The following EDNRB variants were observed in gnomAD, a reference collection of about 807,000 sequenced individuals.
EDNRB encodes Hirschsprung disease 2.
EDNRB carries 18 observed loss-of-function variants against 46.4 expected under a neutral mutation model. That is an observed-to-expected ratio of 0.39 (90% CI 0.27 to 0.57). EDNRB has a LOEUF of 0.57. EDNRB is among the 20% of genes least tolerant of loss of function. The probability of loss-of-function intolerance (pLI) is 0.61; values close to 1 mark genes in which losing one functional copy is unlikely to be tolerated. For missense variants in EDNRB, 434 were observed against 537.5 expected, an observed-to-expected ratio of 0.81 and a Z score of 1.90; for synonymous variants, 213 against 204.9, an observed-to-expected ratio of 1.04 and a Z score of -0.34.
chr13:77,970,529 G>C (rs1471109702), intron 1 of EDNRB, among the ~76,000 whole-genome samples: 1 of 152,132 alleles, frequency 6.6e-6, no homozygotes, highest in Non-Finnish European at 1.5e-5. Context: ...GCCGTCTTGT[G>C]CATAAGTAGC....
intron 1 of EDNRB, among the ~76,000 whole-genome samples, chr13:77,953,685 G>T (rs12720132): frequency 0.02 from 3,081 of 152,240 alleles, 38 homozygotes; most frequent in Non-Finnish European, 0.032. Context: ...AATAATAAAG[G>T]CTAGAGTGAC....
chr13:77,907,778 G>A (rs1879355470), intron 1 of EDNRB, among the ~76,000 whole-genome samples: 1 of 151,878 alleles, frequency 6.6e-6, no homozygotes, highest in Non-Finnish European at 1.5e-5. Flanking sequence ...GCTCTGCACT[G>A]AATCCAGGCC....
At chr13:77,902,546 T>C (rs565280972) in intron 3 of EDNRB, among the ~76,000 whole-genome samples, 4 of 152,014 alleles carry the variant, frequency 2.6e-5, no homozygotes, top group Admixed American at 2.6e-4. Flanking sequence ...GCTCTGACCT[T>C]AGTCATCCTT....
chr13:77,968,235 G>A (rs1881634679), intron 1 of EDNRB, among the ~76,000 whole-genome samples: 1 of 151,800 alleles, frequency 6.6e-6, no homozygotes, highest in Non-Finnish European at 1.5e-5. Flanking sequence ...GTTATCTTAA[G>A]CAACATTGAG....
chr13:77,951,424 CA>C lies in EDNRB; in HGVS notation c.-52+23922del, dbSNP rs548407515. On this transcript the variant is annotated intron_variant, in intron 1 of 7. Transcript: ENST00000646948. Reference sequence around the variant, plus strand: ...CTTATTGGCTGTAGCTGTTAAATATCAAATCTCAATCAGCAATTTTAGAGAT... The same window carrying C: ...CTTATTGGCTGTAGCTGTTAAATATCAATCTCAATCAGCAATTTTAGAGAT... Among the ~76,000 whole-genome samples the C allele has an allele frequency of 3.7e-4, 57 of 152,232 alleles. No individual in the cohort carries two copies. The South Asian group carries it at 4.1e-3, about 11-fold the overall frequency.
At chr13:77,970,033 T>G (rs776243760) in intron 1 of EDNRB, among the ~76,000 whole-genome samples, 6 of 152,240 alleles carry the variant, frequency 3.9e-5, no homozygotes, top group Admixed American at 6.5e-5. Context: ...CCTTTCAAGC[T>G]GCAGATTAAT....
Position 77,927,270 on chromosome 13 carries a change from G to A in EDNRB, c.-51-8646C>T, listed in dbSNP as rs181478260. 7.2e-5 allele frequency among the ~76,000 whole-genome samples: 11 copies of A among 152,280 alleles called. No individual in the cohort carries two copies. In the East Asian group the frequency reaches 1.3e-3, roughly 19 times the overall value. ...GTCCTAGATCTAGATGCTTGAGTAA[G>A]TTCAGAGAATCCAAAGCTGAGGTAG... On this transcript the variant is annotated intron_variant, in intron 1 of 7. Transcript: ENST00000646948.
chr13:77,922,694 G>A (rs186857943), upstream of EDNRB, among the ~76,000 whole-genome samples: 10 of 152,294 alleles, frequency 6.6e-5, no homozygotes, highest in East Asian at 1.9e-3. Flanking sequence ...TTTCTATTAA[G>A]TGACTGTAGC....
upstream of EDNRB, chr13:77,919,665 C>T (rs200480991): frequency 9.2e-6 from 14 of 1,518,692 alleles, no homozygotes; most frequent in South Asian, 1.5e-4. Context: ...CCTTCCGACC[C>T]CGCTGCAACC....
rs1878655567 is a variant in EDNRB, at chr13:77,896,838, G to C, written c.*1362C>G. The C allele has an allele frequency of 9.0e-6, 10 of 1,110,770 alleles. No homozygotes were observed. Among genetic ancestry groups the C allele is most frequent in the Non-Finnish European group, 1.1e-5 (10 of 911,180 alleles). The allele number at this position is 1,110,770 out of a possible 1,614,324, so 68.8% of individuals were successfully genotyped here. A position where few individuals can be genotyped will look rare whatever the true frequency, so the allele number is the denominator to read the frequency against. ...CACATCTCATCCCAAGCTATCCTAA[G>C]GCACTTTGCTTAGAAGATATAAAAA... On this transcript the variant is annotated 3_prime_UTR_variant, in exon 7 of 7. Transcript: ENST00000646607.
rs944010704 is a variant in EDNRB at position 77,898,022 on chromosome 13, G to A, written c.*178C>T. The A allele has an allele frequency of 1.1e-5, 15 of 1,403,612 alleles. No homozygotes were observed. Among genetic ancestry groups the A allele is most frequent in the South Asian group, 7.7e-5 (5 of 65,206 alleles). The allele number at this position is 1,403,612 out of a possible 1,614,324, so 86.9% of individuals were successfully genotyped here. On this transcript the variant is annotated 3_prime_UTR_variant, in exon 7 of 7. Transcript: ENST00000646607. ...TTCCCACTGATTTTCTTTCCATGCC[G>A]TAAACAGCTCATAAAATGTCATATG... is the stretch of plus-strand genomic sequence containing the variant.
At chr13:77,929,898 G>A (rs560460684) in intron 1 of EDNRB, among the ~76,000 whole-genome samples, 11 of 152,278 alleles carry the variant, frequency 7.2e-5, no homozygotes, top group African/African-American at 2.2e-4. Flanking sequence ...AGTATAGTGC[G>A]TGGAATACAG....
intron 6 of EDNRB, among the ~76,000 whole-genome samples, chr13:77,899,199 G>A (rs989910413): frequency 6.6e-6 from 1 of 151,860 alleles, no homozygotes; most frequent in African/African-American, 2.4e-5. Context: ...GTTTACGCGG[G>A]AGCTACGTTC....
intron 1 of EDNRB, among the ~76,000 whole-genome samples, chr13:77,961,018 G>T (rs1881395321): frequency 1.3e-5 from 2 of 152,086 alleles, no homozygotes. Context: ...TATGCACCCA[G>T]TACAGGAGCA....
At chr13:77,943,819 CT>C (rs538158029) in intron 1 of EDNRB, among the ~76,000 whole-genome samples, 3 of 151,938 alleles carry the variant, frequency 2.0e-5, no homozygotes, top group Non-Finnish European at 2.9e-5. Flanking sequence ...GTGCCATATT[CT>C]TTTTTTTAAA....
rs1878675096 is a variant in EDNRB, at chr13:77,897,195, T to C, written c.*1005A>G. The C allele has an allele frequency of 1.0e-6, 1 of 985,274 alleles. No homozygotes were observed. The highest frequency in any genetic ancestry group is 1.1e-4 in the East Asian group (1 of 8,780). 61.0% of individuals were successfully genotyped at this position (985,274 alleles called of 1,614,324 possible). ...TTATGAGGTCACTGGCATCTCTCCA[T>C]CGTAAAGCTATGAGCACAGGGCCTG... is the stretch of plus-strand genomic sequence containing the variant. On this transcript the variant is annotated 3_prime_UTR_variant, in exon 7 of 7. Transcript: ENST00000646607.
intron 1 of EDNRB, among the ~76,000 whole-genome samples, chr13:77,906,785 A>C (rs968113262): frequency 6.6e-6 from 1 of 152,046 alleles, no homozygotes; most frequent in African/African-American, 2.4e-5. Flanking sequence ...TTGCCAAACC[A>C]AAGACACAAT....
rs1235006032 is a variant in EDNRB, at chr13:77,918,293, A to C, written c.281T>G (p.Ile94Ser). ...TISPPPCQGP[I>S]EIKETFKYIN... ...GTATTTGAAAGTCTCCTTGATCTCG[A>C]TGGGTCCTTGGCACGGGGGAGGGGA... Residue 94 changes from isoleucine (I) to serine (S), a missense_variant, in exon 1 of 7, where the codon ATC (isoleucine) becomes AGC (serine). By Grantham distance (142) the Ile-to-Ser change is moderately radical. Transcript: ENST00000646607. This position sits in a 1 kb window ranked among gnomAD's most constrained non-coding sequence, Gnocchi z 4.5. 2 of 1,605,264 alleles carry C rather than the reference A, an allele frequency of 1.2e-6. No homozygotes were observed. Among genetic ancestry groups the C allele is most frequent in the Non-Finnish European group, 1.7e-6 (2 of 1,174,920 alleles).
At chr13:77,934,776 G>A (rs1005817992) in intron 1 of EDNRB, among the ~76,000 whole-genome samples, 1 of 152,076 alleles carries the variant, frequency 6.6e-6, no homozygotes. Flanking sequence ...TGATGGAAAG[G>A]AAATGAGAGG....
Sources: allele counts gnomAD v4.1 joint callset (sites outside exome capture counted in the v4.1 genomes callset), GRCh38; gene constraint gnomAD v4.1.1; non-coding constraint Gnocchi (gnomAD v3.1); transcripts MANE v1.5; gene names NCBI Gene and HGNC (gene_info 2026-07-23, HGNC 2026-07-21).